The following ANO1 variants were observed in gnomAD, a reference collection of about 807,000 sequenced individuals.
ANO1 encodes anoctamin 1.
Under a neutral mutation model 124.0 loss-of-function variants are expected in ANO1, and 59 were observed. That is an observed-to-expected ratio of 0.48 (90% CI 0.39 to 0.59). The LOEUF (loss-of-function observed/expected upper bound fraction) is 0.59. Among genes scored for constraint, ANO1 ranks in the 20% least tolerant of loss-of-function variants. The pLI is 0.00. For missense variants in ANO1, 1,059 were observed against 1,328.0 expected, an observed-to-expected ratio of 0.80 and a Z score of 3.15; for synonymous variants, 529 against 532.0, an observed-to-expected ratio of 0.99 and a Z score of 0.08.
intron 4 of ANO1, among the ~76,000 whole-genome samples, chr11:70,105,202 C>T (rs757477197): frequency 1.3e-5 from 2 of 152,198 alleles, no homozygotes; most frequent in Non-Finnish European, 2.9e-5. Flanking sequence ...CAGCTCTCCC[C>T]GAAGTGCCTT....
At chr11:70,033,242 C>G (rs570448231) in intron 1 of ANO1, among the ~76,000 whole-genome samples, 1 of 152,172 alleles carries the variant, frequency 6.6e-6, no homozygotes, top group Non-Finnish European at 1.5e-5. Context: ...GAAGCTGAGA[C>G]TTGGGGAAAT....
At chr11:69,988,929 T>C (rs1856099761) in intron 1 of ANO1, among the ~76,000 whole-genome samples, 1 of 139,040 alleles carries the variant, frequency 7.2e-6, no homozygotes, top group Non-Finnish European at 1.5e-5. Context: ...AAGGAAGGAA[T>C]GAGGAAGGAA....
At chr11:70,174,180 C>A (rs1171923100) in intron 22 of ANO1, among the ~76,000 whole-genome samples, 5 of 151,766 alleles carry the variant, frequency 3.3e-5, no homozygotes, top group African/African-American at 1.2e-4. Flanking sequence ...CCTCATGATC[C>A]ACCCATCTCG....
intron 1 of ANO1, among the ~76,000 whole-genome samples, chr11:70,046,906 T>C (rs1216464638): frequency 6.6e-6 from 1 of 151,748 alleles, no homozygotes; most frequent in Non-Finnish European, 1.5e-5. Flanking sequence ...AAACCCTGTC[T>C]CTACTAAAAA....
chr11:69,975,625 G>A, the ANO1 span, among the ~76,000 whole-genome samples: 15 of 152,190 alleles, frequency 9.9e-5, no homozygotes, highest in African/African-American at 3.1e-4. Flanking sequence ...CCTAGGAAAT[G>A]TGCAAACCAT....
At chr11:70,106,374 T>C (rs555135882) in intron 5 of ANO1, among the ~76,000 whole-genome samples, 2 of 152,278 alleles carry the variant, frequency 1.3e-5, no homozygotes, top group South Asian at 4.1e-4. Flanking sequence ...AACAAGAAAT[T>C]AACCTGGCAG....
At position 70,105,764 on chromosome 11, in the gene ANO1, C is replaced by T. The variant is rs1372211607; in HGVS notation, c.723C>T (p.Phe241=). 2 of 1,613,412 alleles carry T rather than the reference C, an allele frequency of 1.2e-6. No individual in the cohort carries two copies. Among genetic ancestry groups the T allele is most frequent in the African/African-American group, 1.3e-5 (1 of 74,850 alleles). Residue 241 remains phenylalanine (F), a synonymous_variant, in exon 5 of 26, where the codon TTC becomes TTT. Coordinates refer to ENST00000355303, the MANE Select transcript of ANO1 (RefSeq NM_018043.7). ...LFDLSDKDSF[F]DSKTRSTIVY... ...ACTTGTCTGATAAGGATTCCTTTTT[C>T]GACAGCAAAACCCGGAGCACGATTG...
intron 22 of ANO1, among the ~76,000 whole-genome samples, chr11:70,175,792 A>G (rs2048671656): frequency 6.6e-6 from 1 of 152,228 alleles, no homozygotes; most frequent in Non-Finnish European, 1.5e-5. Context: ...GAAAGAAACC[A>G]AGGAATTTAC....
In ANO1 at chr11:70,187,952, A is replaced by G; in HGVS notation, c.2909A>G (p.Asp970Gly). The change falls in exon 26 of 26, where the codon GAC becomes GGC. Residue 970 changes from aspartate to glycine, a missense_variant. Physicochemically the swap from Asp to Gly is moderately conservative, Grantham distance 94. This residue lies in a region of ANO1 where 809 missense variants were observed against 1,094.9 expected (regional missense o/e 0.74). Coordinates refer to ENST00000355303, the MANE Select transcript of ANO1 (RefSeq NM_018043.7). ...CNHHNTKACP[D>G]SLGSPAPSHA... is the part of the protein sequence containing the mutation. ...CACCACAACACCAAAGCCTGCCCAG[A>G]CAGCCTCGGCAGCCCAGCCCCCAGC... The G allele has an allele frequency of 2.5e-6, 4 of 1,577,546 alleles. No homozygotes were observed. The highest frequency in any genetic ancestry group is 3.4e-6 in the Non-Finnish European group (4 of 1,162,460).
chr11:69,994,148 G>A (rs1856215112), intron 1 of ANO1, among the ~76,000 whole-genome samples: 1 of 151,870 alleles, frequency 6.6e-6, no homozygotes, highest in South Asian at 2.1e-4. Context: ...GCGGTGCATG[G>A]GCTAGCTGAG....
At chr11:70,099,816 A>G (rs549601891) in intron 2 of ANO1, among the ~76,000 whole-genome samples, 6 of 152,210 alleles carry the variant, frequency 3.9e-5, no homozygotes, top group Non-Finnish European at 8.8e-5. Context: ...AGGCTCAGAG[A>G]GATTAAGTCA....
chr11:70,080,773 A>C (rs2044177267), intron 1 of ANO1, among the ~76,000 whole-genome samples: 1 of 152,214 alleles, frequency 6.6e-6, no homozygotes, highest in Non-Finnish European at 1.5e-5. Context: ...TGGAAGGCTG[A>C]ATCAGAGGCG....
At chr11:69,991,449 A>G (rs1295468230) in intron 1 of ANO1, among the ~76,000 whole-genome samples, 1 of 152,192 alleles carries the variant, frequency 6.6e-6, no homozygotes, top group African/African-American at 2.4e-5. Context: ...CCATCTAGAG[A>G]GGAGCCTGCC....
chr11:69,987,746 C>T (rs782762067), intron 1 of ANO1, among the ~76,000 whole-genome samples: 2 of 152,184 alleles, frequency 1.3e-5, no homozygotes, highest in East Asian at 1.9e-4. Flanking sequence ...TTGAGGAAAC[C>T]GTTCCCTGTG....
In ANO1 at chr11:70,095,107, G is replaced by A. The variant is rs1230547227; in HGVS notation, c.441+7023G>A. Among the ~76,000 whole-genome samples the A allele has an allele frequency of 2.0e-5, 3 of 151,972 alleles. No individual in the cohort carries two copies. The East Asian group carries it at 5.8e-4, about 29-fold the overall frequency. ...TGTAGTCCGAGCTACTCAGGAGGCT[G>A]AGGCAAGAGAATTGCTTGAACCCAG... On this transcript the variant is annotated intron_variant, in intron 2 of 25. Coordinates refer to ENST00000355303, the MANE Select transcript of ANO1 (RefSeq NM_018043.7).
intron 1 of ANO1, among the ~76,000 whole-genome samples, chr11:70,033,717 T>C (rs577845932): frequency 2.0e-5 from 3 of 151,850 alleles, no homozygotes; most frequent in South Asian, 4.2e-4. Flanking sequence ...CTCCCATCCA[T>C]AGGCCATTTG....
At chr11:70,169,054 C>T (rs113859034) in intron 21 of ANO1, among the ~76,000 whole-genome samples, 22 of 152,294 alleles carry the variant, frequency 1.4e-4, no homozygotes, top group African/African-American at 5.3e-4. Flanking sequence ...CCAGGAGGGA[C>T]GGGGTCTGGG....
At chr11:70,159,181 C>T (rs928498580) in intron 16 of ANO1, among the ~76,000 whole-genome samples, 24 of 152,284 alleles carry the variant, frequency 1.6e-4, no homozygotes, top group East Asian at 1.2e-3. Flanking sequence ...TTGGTCACAA[C>T]ATGGCTGCTG....
chr11:70,100,560 A>G (rs1045294591), intron 2 of ANO1, among the ~76,000 whole-genome samples: 2 of 152,152 alleles, frequency 1.3e-5, no homozygotes, highest in Non-Finnish European at 2.9e-5. Flanking sequence ...CCCTGGAGAC[A>G]CTTTGACTGT....
Sources: allele counts gnomAD v4.1 joint callset (sites outside exome capture counted in the v4.1 genomes callset), GRCh38; gene constraint gnomAD v4.1.1; regional missense constraint gnomAD v4.1.1; transcripts MANE v1.5; gene names NCBI Gene and HGNC (gene_info 2026-07-23, HGNC 2026-07-21).